Variants in SESTD1 observed in about 807,000 individuals in gnomAD.
SESTD1 encodes the protein SEC14 domain and spectrin repeat-containing protein 1.
A neutral mutation model predicts 101.7 loss-of-function variants in SESTD1; 43 were observed. The ratio of observed to expected loss-of-function variants is 0.42; its 90% CI spans 0.33 to 0.55. SESTD1 has a LOEUF of 0.55. SESTD1 is among the 20% of genes least tolerant of loss of function. The probability of loss-of-function intolerance (pLI) is 0.07; values close to 1 mark genes in which losing one functional copy is unlikely to be tolerated. For missense variants in SESTD1, 647 were observed against 815.1 expected (o/e 0.79, Z 2.51); for synonymous variants, 283 against 286.8 (o/e 0.99, Z 0.13).
chr2:179,129,330 T>G (rs2044955637), intron 10 of SESTD1, among the ~76,000 whole-genome samples: 1 of 152,240 alleles, frequency 6.6e-6, no homozygotes, highest in Non-Finnish European at 1.5e-5. Context: ...ATTTTTGAAC[T>G]AAACTGCTTT....
At chr2:179,163,805 G>A (rs574284863) in intron 5 of SESTD1, among the ~76,000 whole-genome samples, 1 of 152,152 alleles carries the variant, frequency 6.6e-6, no homozygotes, top group East Asian at 1.9e-4. Flanking sequence ...TGAAGAGAAA[G>A]GTATTTACCA....
At chr2:179,223,404 TAAA>T (rs1400953601) in intron 1 of SESTD1, among the ~76,000 whole-genome samples, 1 of 152,020 alleles carries the variant, frequency 6.6e-6, no homozygotes, top group African/African-American at 2.4e-5. Context: ...TCTGTATAAT[TAAA>T]ATAGGTGAAA....
intron 1 of SESTD1, among the ~76,000 whole-genome samples, chr2:179,257,631 A>G (rs1166554593): frequency 6.6e-6 from 1 of 152,230 alleles, no homozygotes; most frequent in Non-Finnish European, 1.5e-5. Context: ...TAAATGAACT[A>G]TAACAAGTTA....
At chr2:179,118,318 C>A (rs1292060746) in intron 13 of SESTD1, among the ~76,000 whole-genome samples, 3 of 152,084 alleles carry the variant, frequency 2.0e-5, no homozygotes, top group East Asian at 1.9e-4. Flanking sequence ...TTTTTTTAAT[C>A]TCATTGTGGT....
At chr2:179,127,662 G>A (rs2044905986) in intron 10 of SESTD1, among the ~76,000 whole-genome samples, 1 of 152,158 alleles carries the variant, frequency 6.6e-6, no homozygotes, top group Non-Finnish European at 1.5e-5. Flanking sequence ...CAGCCCTTAC[G>A]ACAGACATTT....
intron 10 of SESTD1, 149 bp downstream of exon 10, chr2:179,132,155 A>C: frequency 1.2e-6 from 1 of 856,806 alleles, no homozygotes; most frequent in Non-Finnish European, 1.6e-6. Flanking sequence ...AAGTAATCAA[A>C]ATGTACTTTA....
intron 1 of SESTD1, among the ~76,000 whole-genome samples, chr2:179,206,986 C>T (rs1470813511): frequency 7.5e-6 from 1 of 133,376 alleles, no homozygotes; most frequent in Non-Finnish European, 1.6e-5. Context: ...CATAATCACC[C>T]TGGAACATAA....
chr2:179,129,886 G>A (rs1333207183), intron 10 of SESTD1, among the ~76,000 whole-genome samples: 1 of 152,144 alleles, frequency 6.6e-6, no homozygotes, highest in Non-Finnish European at 1.5e-5. Flanking sequence ...TGTCAAAAGT[G>A]GGAAGAATAG....
intron 1 of SESTD1, among the ~76,000 whole-genome samples, chr2:179,193,028 G>A (rs2046340385): frequency 1.3e-5 from 2 of 152,052 alleles, no homozygotes; most frequent in African/African-American, 4.8e-5. Flanking sequence ...GCAAACACCT[G>A]CTATTAACCT....
chr2:179,182,964 A>G (rs2046142196), intron 3 of SESTD1, 116 bp downstream of exon 3: 1 of 601,218 alleles, frequency 1.7e-6, no homozygotes, highest in Non-Finnish European at 2.7e-6. Context: ...TATAATTATA[A>G]TTTCACTGCG....
intron 1 of SESTD1, among the ~76,000 whole-genome samples, chr2:179,226,163 T>C (rs1371587065): frequency 6.6e-6 from 1 of 152,224 alleles, no homozygotes; most frequent in African/African-American, 2.4e-5. Flanking sequence ...AATATTTTTA[T>C]TTCAAAATCT....
At chr2:179,138,599 A>G (rs1046236067) in intron 9 of SESTD1, among the ~76,000 whole-genome samples, 14 of 152,218 alleles carry the variant, frequency 9.2e-5, no homozygotes, top group Admixed American at 5.9e-4. Context: ...AACAAAAACT[A>G]TCACAAAGGA....
At chr2:179,198,433 C>T (rs1184800984) in intron 1 of SESTD1, among the ~76,000 whole-genome samples, 1 of 152,206 alleles carries the variant, frequency 6.6e-6, no homozygotes, top group Non-Finnish European at 1.5e-5. Flanking sequence ...AGGAATTGAA[C>T]TCAGCTCTGC....
chr2:179,182,375 C>G (rs1335639169), intron 3 of SESTD1, among the ~76,000 whole-genome samples: 1 of 152,060 alleles, frequency 6.6e-6, no homozygotes, highest in Admixed American at 6.6e-5. Context: ...TTTAAAAATT[C>G]TGATAAGCAG....
chr2:179,118,821 A>T (rs1276604400), intron 13 of SESTD1, among the ~76,000 whole-genome samples: 1 of 152,226 alleles, frequency 6.6e-6, no homozygotes, highest in Non-Finnish European at 1.5e-5. Context: ...AAGTACTATT[A>T]TAAAGCTATT....
At chr2:179,149,174 A>G in intron 7 of SESTD1, 123 bp downstream of exon 7, 1 of 616,368 alleles carries the variant, frequency 1.6e-6, no homozygotes, top group South Asian at 2.1e-5. Context: ...TTGTACGTCA[A>G]TTTTGATTGA....
At chr2:179,219,669 T>G (rs2046785975) in intron 1 of SESTD1, among the ~76,000 whole-genome samples, 1 of 152,356 alleles carries the variant, frequency 6.6e-6, no homozygotes, top group South Asian at 2.1e-4. Flanking sequence ...TATTCAACTT[T>G]AGGATAATAA....
chr2:179,235,916 C>T (rs973628153), intron 1 of SESTD1, among the ~76,000 whole-genome samples: 3 of 152,156 alleles, frequency 2.0e-5, no homozygotes, highest in Non-Finnish European at 4.4e-5. Flanking sequence ...GCTGAAATAA[C>T]ATTACTACAA....
At chr2:179,139,158 T>G (rs1250363089) in intron 9 of SESTD1, among the ~76,000 whole-genome samples, 1 of 152,176 alleles carries the variant, frequency 6.6e-6, no homozygotes, top group African/African-American at 2.4e-5. Context: ...CACTGTTATT[T>G]AGGTTGACAG....
Sources: allele counts gnomAD v4.1 joint callset (sites outside exome capture counted in the v4.1 genomes callset), GRCh38; gene constraint gnomAD v4.1.1; transcripts MANE v1.5; gene names NCBI Gene and HGNC (gene_info 2026-07-23, HGNC 2026-07-21).